SUGCT: variants seen among roughly 807,000 people sequenced by gnomAD.
The protein encoded by SUGCT is succinyl-CoA:glutarate-CoA transferase.
In SUGCT, 41 loss-of-function variants were observed where a neutral mutation model predicts 55.0. The observed-to-expected ratio is 0.74, with a 90% confidence interval of 0.58 to 0.97. The LOEUF is 0.97. Ranked by LOEUF, SUGCT falls within the 50% of genes least tolerant of loss-of-function variation. The pLI is 0.00. For synonymous variants in SUGCT, 187 were observed against 200.4 expected (o/e 0.93, Z 0.56); for missense variants, 568 against 547.8 (o/e 1.04, Z -0.37).
At chr7:40,193,426 A>G (rs1786047039) in intron 5 of SUGCT, among the ~76,000 whole-genome samples, 1 of 151,262 alleles carries the variant, frequency 6.6e-6, no homozygotes, top group Non-Finnish European at 1.5e-5. Context: ...CTGAGACTAC[A>G]GGCACGTGCC....
intron 12 of SUGCT, among the ~76,000 whole-genome samples, chr7:40,634,662 G>A (rs1017701571): frequency 6.7e-4 from 102 of 152,304 alleles, no homozygotes; most frequent in African/African-American, 2.4e-3. Flanking sequence ...GTTTTAAAAC[G>A]CGAGGGAATT....
chr7:40,343,116 G>T (rs1194090061), intron 9 of SUGCT, among the ~76,000 whole-genome samples: 5 of 152,156 alleles, frequency 3.3e-5, no homozygotes, highest in African/African-American at 1.2e-4. Flanking sequence ...TCTGGAGGAA[G>T]TTCCATAGTC....
At chr7:40,719,769 C>T (rs188100518) in intron 12 of SUGCT, among the ~76,000 whole-genome samples, 13 of 152,126 alleles carry the variant, frequency 8.5e-5, no homozygotes, top group Admixed American at 5.9e-4. Flanking sequence ...TTAGGTGAGA[C>T]GTCACTTAGT....
intron 12 of SUGCT, among the ~76,000 whole-genome samples, chr7:40,580,059 GT>G (rs1460556117): frequency 6.6e-6 from 1 of 152,178 alleles, no homozygotes; most frequent in Non-Finnish European, 1.5e-5. Flanking sequence ...TAGATATCTA[GT>G]TTTATTATGT....
At chr7:40,563,382 G>A (rs149714562) in intron 12 of SUGCT, among the ~76,000 whole-genome samples, 56 of 152,206 alleles carry the variant, frequency 3.7e-4, no homozygotes, top group Middle Eastern at 3.4e-3. Flanking sequence ...TTTGGTTTAC[G>A]TGGTTGCCTT....
chr7:40,227,876 A>ATATT (rs200147670), intron 6 of SUGCT, among the ~76,000 whole-genome samples: 8 of 147,612 alleles, frequency 5.4e-5, no homozygotes, highest in Non-Finnish European at 1.2e-4. Context: ...ATTTATTTAT[A>ATATT]TATTTATTTA....
rs1046933412 is a variant in SUGCT, at chr7:40,749,311, A to C, written c.1090-123A>C. 21 of 775,046 alleles carry C rather than the reference A, an allele frequency of 2.7e-5. No individual in the cohort carries two copies. In the African/African-American group the frequency reaches 3.3e-4, roughly 12 times the overall value. 48.0% of individuals were successfully genotyped at this position (775,046 alleles called of 1,614,324 possible). A position where few individuals can be genotyped will look rare whatever the true frequency, so the allele number is the denominator to read the frequency against. On this transcript the variant is annotated intron_variant, in intron 12 of 13. Coordinates refer to ENST00000335693, the MANE Select transcript of SUGCT (RefSeq NM_001193313.2). The stretch of plus-strand genomic sequence containing the variant: ...ATGTTTACTTTCAAATGAAAATGTT[A>C]AACACTTCTGTGTTTTGCCATATCT...
intron 12 of SUGCT, among the ~76,000 whole-genome samples, chr7:40,611,903 G>A (rs988646796): frequency 6.6e-6 from 1 of 152,068 alleles, no homozygotes; most frequent in Non-Finnish European, 1.5e-5. Context: ...TGTATGCAGA[G>A]CTGCTGCTGT....
chr7:40,801,413 T>C (rs1208030857), intron 13 of SUGCT, among the ~76,000 whole-genome samples: 1 of 152,118 alleles, frequency 6.6e-6, no homozygotes, highest in Non-Finnish European at 1.5e-5. Context: ...CTTGGGTTAT[T>C]TCAAAAAGGA....
chr7:40,552,125 C>A (rs903197207), intron 12 of SUGCT, among the ~76,000 whole-genome samples: 1 of 152,162 alleles, frequency 6.6e-6, no homozygotes, highest in Non-Finnish European at 1.5e-5. Context: ...GACAGGAAGG[C>A]GGCAACATCT....
At chr7:40,395,690 T>C (rs543948210) in intron 9 of SUGCT, among the ~76,000 whole-genome samples, 1 of 152,254 alleles carries the variant, frequency 6.6e-6, no homozygotes, top group Admixed American at 6.5e-5. Flanking sequence ...TCATTTCTTC[T>C]GTTGTCTCAG....
chr7:40,557,234 C>T (rs1795600513), intron 12 of SUGCT, among the ~76,000 whole-genome samples: 1 of 152,116 alleles, frequency 6.6e-6, no homozygotes, highest in Admixed American at 6.6e-5. Flanking sequence ...CAAGACTATT[C>T]AATGAGGAAA....
At chr7:40,928,005 T>C in the SUGCT span, among the ~76,000 whole-genome samples, 1 of 152,166 alleles carries the variant, frequency 6.6e-6, no homozygotes, top group Non-Finnish European at 1.5e-5. Context: ...AATGAATCTC[T>C]AGTGGTAGTC....
chr7:40,383,112 A>G (rs1227155551), intron 9 of SUGCT, among the ~76,000 whole-genome samples: 1 of 152,162 alleles, frequency 6.6e-6, no homozygotes, highest in Non-Finnish European at 1.5e-5. Context: ...CCTCTGGGAA[A>G]GTTCTCTGTG....
chr7:40,965,654 AACAT>A, the SUGCT span: 1 of 152,230 alleles, frequency 6.6e-6, no homozygotes, highest in Non-Finnish European at 1.5e-5. Flanking sequence ...AACAAAATAA[AACAT>A]ACTTTTGTCT....
At chr7:40,907,429 C>G in the SUGCT span, among the ~76,000 whole-genome samples, 1 of 152,112 alleles carries the variant, frequency 6.6e-6, no homozygotes, top group Admixed American at 6.5e-5. Flanking sequence ...TATAATAATA[C>G]TCGTTTAATA....
At chr7:40,561,872 A>T (rs917941179) in intron 12 of SUGCT, among the ~76,000 whole-genome samples, 1 of 150,764 alleles carries the variant, frequency 6.6e-6, no homozygotes, top group Non-Finnish European at 1.5e-5. Context: ...TTGTATTTTT[A>T]GAAGAGACGG....
intron 1 of SUGCT, among the ~76,000 whole-genome samples, chr7:40,150,695 A>G (rs1788517055): frequency 6.6e-6 from 1 of 152,010 alleles, no homozygotes; most frequent in Non-Finnish European, 1.5e-5. Context: ...AAACAAAACA[A>G]AACAAACTCT....
intron 12 of SUGCT, among the ~76,000 whole-genome samples, chr7:40,665,270 C>T (rs1174865784): frequency 1.3e-5 from 2 of 150,830 alleles, no homozygotes; most frequent in African/African-American, 2.5e-5. Flanking sequence ...GAAACCCTGT[C>T]GCTACTAAAA....
Sources: allele counts gnomAD v4.1 joint callset (sites outside exome capture counted in the v4.1 genomes callset), GRCh38; gene constraint gnomAD v4.1.1; transcripts MANE v1.5; gene names NCBI Gene and HGNC (gene_info 2026-07-23, HGNC 2026-07-21).